RNF212: variants seen among roughly 807,000 people sequenced by gnomAD.
RNF212 encodes probable E3 SUMO-protein ligase RNF212.
Under a neutral mutation model 34.7 loss-of-function variants are expected in RNF212, and 33 were observed. The observed-to-expected ratio is 0.95, with a 90% CI of 0.72 to 1.27. The LOEUF is 1.27. Among genes scored for constraint, RNF212 ranks in the 50% most tolerant of loss-of-function variants. The probability of loss-of-function intolerance (pLI) is 0.00; values close to 1 mark genes in which losing one functional copy is unlikely to be tolerated. For missense variants in RNF212, 377 were observed against 362.2 expected (o/e 1.04, Z -0.33); for synonymous variants, 140 against 136.1 (o/e 1.03, Z -0.20).
chr4:1,077,949 G>T (rs1719594185), intron 8 of RNF212, among the ~76,000 whole-genome samples: 1 of 152,190 alleles, frequency 6.6e-6, no homozygotes, highest in South Asian at 2.1e-4. Flanking sequence ...GAGGATGCGT[G>T]TGCTTGACCC....
chr4:1,108,802 A>G (rs937326031), intron 1 of RNF212, among the ~76,000 whole-genome samples: 1 of 152,096 alleles, frequency 6.6e-6, no homozygotes, highest in African/African-American at 2.4e-5. Context: ...CGGGCTCAAC[A>G]GTCTTCCCCT....
rs1479285797 is a variant in RNF212 at position 1,093,806 on chromosome 4, G to A, written c.246+2959C>T. 7.8e-6 allele frequency: 12 copies of A among 1,536,148 alleles called. No homozygotes were observed. In the East Asian group the frequency reaches 2.7e-4, roughly 34 times the overall value. ...GGGATGGAGCAGGGTGAGGGGGTGAGGTGCGTCCTGGATGGTGTTTCCCTG... is the reference window on the plus strand; with the variant it reads ...GGGATGGAGCAGGGTGAGGGGGTGAAGTGCGTCCTGGATGGTGTTTCCCTG... On this transcript the variant is annotated intron_variant, in intron 3 of 9. Transcript: ENST00000433731.
At chr4:1,083,385 G>T (rs988425478) in intron 5 of RNF212, among the ~76,000 whole-genome samples, 2 of 152,198 alleles carry the variant, frequency 1.3e-5, no homozygotes, top group African/African-American at 4.8e-5. Flanking sequence ...GCTCACACCT[G>T]TAATCCCAGC....
intron 1 of RNF212, among the ~76,000 whole-genome samples, chr4:1,111,875 G>A (rs1725719339): frequency 6.6e-6 from 1 of 152,156 alleles, no homozygotes; most frequent in East Asian, 1.9e-4. Context: ...AACTTGGGGT[G>A]TATCCATACA....
intron 5 of RNF212, chr4:1,085,599 G>A: frequency 2.0e-6 from 1 of 504,420 alleles, no homozygotes; most frequent in Admixed American, 3.5e-5. Context: ...GGGTCACTCT[G>A]AGAGGCCGGG....
intron 5 of RNF212, among the ~76,000 whole-genome samples, chr4:1,083,286 A>G (rs1334678011): frequency 6.6e-6 from 1 of 152,208 alleles, no homozygotes; most frequent in Non-Finnish European, 1.5e-5. Context: ...AGCAAGGACT[A>G]TTTTCCAAAT....
intron 3 of RNF212, chr4:1,094,067 G>A: frequency 7.4e-7 from 1 of 1,343,284 alleles, no homozygotes; most frequent in Non-Finnish European, 9.7e-7. Context: ...GAGGAGGACA[G>A]TCTTGGGGAC....
At chr4:1,063,861 C>A (rs959285897) in intron 3 of RNF212, among the ~76,000 whole-genome samples, 1 of 150,284 alleles carries the variant, frequency 6.7e-6, no homozygotes, top group African/African-American at 2.5e-5. Flanking sequence ...GTGGCAGAGA[C>A]CCAGTCTCAA....
chr4:1,078,966 TAGGACCAACAC>T (rs1719830184), intron 8 of RNF212, among the ~76,000 whole-genome samples: 8 of 66,428 alleles, frequency 1.2e-4, no homozygotes, highest in Admixed American at 7.9e-4. Context: ...AGGACCAACA[TAGGACCAACAC>T]AGGGTCAACA....
At chr4:1,081,833 C>T in intron 5 of RNF212, 1 of 554,542 alleles carries the variant, frequency 1.8e-6, no homozygotes, top group South Asian at 2.1e-5. Context: ...AACTCAACAC[C>T]CCACTGCCAT....
intron 9 of RNF212, 80 bp from the exon 10 acceptor site, chr4:1,073,273 G>A: frequency 1.3e-6 from 2 of 1,527,026 alleles, no homozygotes; most frequent in South Asian, 1.3e-5. Context: ...GGTGAGGGAG[G>A]GATTCACTTT....
intron 1 of RNF212, among the ~76,000 whole-genome samples, chr4:1,108,790 C>G (rs1463000656): frequency 6.6e-6 from 1 of 152,134 alleles, no homozygotes; most frequent in East Asian, 1.9e-4. Context: ...CCTTGACACC[C>G]CCGGGCTCAA....
chr4:1,081,952 T>C (rs1678452513), intron 5 of RNF212: 1 of 320,006 alleles, frequency 3.1e-6, no homozygotes, highest in Non-Finnish European at 5.9e-6. Context: ...CGCACCAGCT[T>C]TGAAAGGCCA....
rs151042310 is a variant in RNF212 at position 1,073,026 on chromosome 4, T to C, written c.742A>G (p.Thr248Ala). 4.1e-4 allele frequency: 657 copies of C among 1,614,160 alleles called. 1 individual carries two copies. Among genetic ancestry groups the C allele is most frequent in the South Asian group, 4.7e-4 (43 of 91,080 alleles). ...AFSSGRHGEL[T>A]NSKTLPIYAE... Reference sequence around the variant, plus strand: ...TATATTGGAAGTGTTTTAGAGTTGGTGAGTTCCCCGTGCCTTCCAGAACTG... The same window carrying C: ...TATATTGGAAGTGTTTTAGAGTTGGCGAGTTCCCCGTGCCTTCCAGAACTG... Residue 248 changes from threonine to alanine, a missense_variant, in exon 10 of 10, where the codon ACC becomes GCC. Physicochemically the swap from Thr to Ala is moderately conservative, Grantham distance 58 (BLOSUM62 0). Coordinates refer to ENST00000433731, the MANE Select transcript of RNF212 (RefSeq NM_001131034.4).
At chr4:1,091,815 G>A (rs1025586491) in intron 3 of RNF212, among the ~76,000 whole-genome samples, 4 of 152,172 alleles carry the variant, frequency 2.6e-5, no homozygotes, top group Non-Finnish European at 4.4e-5. Flanking sequence ...CTGCGTCCTC[G>A]GAGTGACTTG....
chr4:1,074,489 C>T (rs1226095765), intron 8 of RNF212, among the ~76,000 whole-genome samples: 4 of 152,202 alleles, frequency 2.6e-5, no homozygotes, highest in African/African-American at 9.6e-5. Context: ...CAGGCCCTTC[C>T]AGTACACCGT....
Position 1,071,621 on chromosome 4 carries a change from A to G in RNF212, c.*1253T>C, listed in dbSNP as rs943199188. 7 of 152,238 alleles carry G rather than the reference A, an allele frequency of 4.6e-5. No individual in the cohort carries two copies. The highest frequency in any genetic ancestry group is 1.7e-4 in the African/African-American group (7 of 41,454). The allele number at this position is 152,238 out of a possible 1,614,324, so 9.4% of individuals were successfully genotyped here. A position where few individuals can be genotyped will look rare whatever the true frequency, so the allele number is the denominator to read the frequency against. On this transcript the variant is annotated 3_prime_UTR_variant, in exon 10 of 10. Coordinates refer to ENST00000433731, the MANE Select transcript of RNF212 (RefSeq NM_001131034.4). Reference sequence around the variant, plus strand: ...AATCCAATTAAAAAATGGGCCAAATACCTTAACAGACACTTCAGCAAAGAA... The same window carrying G: ...AATCCAATTAAAAAATGGGCCAAATGCCTTAACAGACACTTCAGCAAAGAA...
chr4:1,089,738 G>A (rs868715864), intron 4 of RNF212, among the ~76,000 whole-genome samples: 12 of 152,152 alleles, frequency 7.9e-5, no homozygotes, highest in Non-Finnish European at 1.6e-4. Context: ...TGCTGTTCTC[G>A]TGATAGTAAG....
At chr4:1,108,855 A>G (rs1388065737) in intron 1 of RNF212, among the ~76,000 whole-genome samples, 1 of 152,010 alleles carries the variant, frequency 6.6e-6, no homozygotes, top group African/African-American at 2.4e-5. Context: ...GTGTGCCGCC[A>G]CAGCCAGATA....
Sources: gnomAD v4.1 joint callset for allele counts (sites outside exome capture counted in the v4.1 genomes callset) on GRCh38, gnomAD v4.1.1 for gene constraint, MANE v1.5 for transcripts, NCBI Gene and HGNC (gene_info 2026-07-23, HGNC 2026-07-21) for gene names.